FOXM1: variants seen among roughly 807,000 people sequenced by gnomAD.
FOXM1 encodes forkhead box M1.
A neutral mutation model predicts 63.6 loss-of-function variants in FOXM1; 25 were observed. That is an observed-to-expected ratio of 0.39 (90% CI 0.29 to 0.55). FOXM1 has a LOEUF of 0.55. Among genes scored for constraint, FOXM1 ranks in the 20% least tolerant of loss-of-function variants. The probability of loss-of-function intolerance (pLI) is 0.60; values close to 1 mark genes in which losing one functional copy is unlikely to be tolerated. For synonymous variants in FOXM1, 387 were observed against 376.9 expected (o/e 1.03, Z -0.31); for missense variants, 879 against 958.7 (o/e 0.92, Z 1.10).
Position 2,859,302 on chromosome 12 carries a change from C to T in FOXM1, c.1628G>A (p.Arg543Gln), listed in dbSNP as rs148974985. 9.9e-6 allele frequency: 16 copies of T among 1,613,206 alleles called. No individual in the cohort carries two copies. The highest frequency in any genetic ancestry group is 8.0e-5 in the African/African-American group (6 of 74,826). ...CAGTAGATGCTGTTTTCTCCGAGAC[C>T]GGCTCCTCTCCCTCCTCTCCCTGTG... ...IQHRERRERS[R>Q]SRRKQHLLPP... Residue 543 changes from arginine to glutamine, a missense_variant, in exon 9 of 9, where the codon CGG becomes CAG. Around this residue, in one of 4 missense-constraint regions of FOXM1, gnomAD observed 486 missense variants for 453.5 expected, o/e 1.07. Coordinates refer to ENST00000359843, the MANE Select transcript of FOXM1 (RefSeq NM_021953.4).
intron 4 of FOXM1, among the ~76,000 whole-genome samples, chr12:2,867,847 G>A (rs1269349840): frequency 1.3e-5 from 2 of 151,236 alleles, no homozygotes; most frequent in Admixed American, 6.6e-5. Flanking sequence ...GCGTGGTGGC[G>A]CATGCCTGTA....
intron 3 of FOXM1, among the ~76,000 whole-genome samples, chr12:2,870,115 C>T (rs1285961637): frequency 6.6e-6 from 1 of 151,732 alleles, no homozygotes; most frequent in Non-Finnish European, 1.5e-5. Context: ...CTCAGCCTCC[C>T]GAGTAGCTGG....
Position 2,858,527 on chromosome 12 carries a change from G to A in FOXM1, c.*111C>T. 2 of 895,300 alleles carry A rather than the reference G, an allele frequency of 2.2e-6. No homozygotes were observed. The highest frequency in any genetic ancestry group is 3.3e-6 in the Non-Finnish European group (2 of 597,342). The allele number at this position is 895,300 out of a possible 1,614,324, so 55.5% of individuals were successfully genotyped here. ...GCATAATCAGGCAGCAGGGAGCTATGAGGAGCAGAACAGTCCCTGCCTGCT... is the reference window on the plus strand; with the variant it reads ...GCATAATCAGGCAGCAGGGAGCTATAAGGAGCAGAACAGTCCCTGCCTGCT... On this transcript the variant is annotated 3_prime_UTR_variant, in exon 9 of 9. Transcript: ENST00000359843.
intron 3 of FOXM1, among the ~76,000 whole-genome samples, chr12:2,871,456 G>A (rs2098133121): frequency 6.6e-6 from 1 of 152,020 alleles, no homozygotes; most frequent in Admixed American, 6.6e-5. Flanking sequence ...AATCAGCCTG[G>A]GCAACATAGC....
In FOXM1 at chr12:2,864,298, C is replaced by G. The variant is rs1603500281; in HGVS notation, c.1266+22G>C. 12 of 1,593,708 alleles carry G rather than the reference C, an allele frequency of 7.5e-6. No individual in the cohort carries two copies. The East Asian group carries it at 2.7e-4, about 36-fold the overall frequency. On this transcript the variant is annotated intron_variant, in intron 8 of 8. Coordinates refer to ENST00000359843, the MANE Select transcript of FOXM1 (RefSeq NM_021953.4). The surrounding 1 kb of genome is among the most constrained non-coding windows in gnomAD (Gnocchi z 5.1). ...TTCTTAATTGGCCAGAATCTCTCTT[C>G]AGAGGAAAATAGGACACCCACCTTG... is the stretch of plus-strand genomic sequence containing the variant.
chr12:2,861,489 G>A (rs1470369579), intron 8 of FOXM1: 2 of 460,912 alleles, frequency 4.3e-6, no homozygotes, highest in African/African-American at 4.1e-5. Context: ...ATACATATTA[G>A]ATTGGCAGAT....
Position 2,874,588 on chromosome 12 carries a change from G to T in FOXM1, c.-47-63C>A. 1 of 1,146,768 alleles carries T rather than the reference G, an allele frequency of 8.7e-7. No homozygotes were observed. Among genetic ancestry groups the T allele is most frequent in the Non-Finnish European group, 1.2e-6 (1 of 811,138 alleles). 71.0% of individuals were successfully genotyped at this position (1,146,768 alleles called of 1,614,324 possible). ...TTTAGGCTGAGAAGAGGTCCTTTTA[G>T]AGAAAGGTGCTCCTCTTTATATGAC... is the stretch of plus-strand genomic sequence containing the variant. On this transcript the variant is annotated intron_variant, in intron 1 of 8. Coordinates refer to ENST00000359843, the MANE Select transcript of FOXM1 (RefSeq NM_021953.4). The surrounding 1 kb of genome is among the most constrained non-coding windows in gnomAD (Gnocchi z 4.3).
Position 2,859,622 on chromosome 12 carries a change from T to C in FOXM1, c.1308A>G (p.Ala436=). ...GGAGTTTCTCCTCTTTCCCTGGTCC[T>C]GCAGAAGAAAGAGGAGCTATCCCCT... is the stretch of plus-strand genomic sequence containing the variant. ...AEEGIAPLSS[A]GPGKEEKLLF... The change falls in exon 9 of 9, where the codon GCA becomes GCG. Residue 436 remains alanine, a synonymous_variant. Coordinates refer to ENST00000359843, the MANE Select transcript of FOXM1 (RefSeq NM_021953.4). The C allele has an allele frequency of 1.2e-6, 2 of 1,612,326 alleles. No homozygotes were observed. The highest frequency in any genetic ancestry group is 1.7e-6 in the Non-Finnish European group (2 of 1,179,532).
intron 5 of FOXM1, among the ~76,000 whole-genome samples, 158 bp from the exon 6 acceptor site, chr12:2,865,557 C>A (rs958096284): frequency 2.0e-5 from 3 of 151,982 alleles, no homozygotes. Flanking sequence ...TACCAGCAGC[C>A]TTATGGGCAC....
rs866336465 is a variant in FOXM1, at chr12:2,874,330, A to G, written c.149T>C (p.Val50Ala). 1 of 1,614,148 alleles carries G rather than the reference A, an allele frequency of 6.2e-7. No homozygotes were observed. Among genetic ancestry groups the G allele is most frequent in the Non-Finnish European group, 8.5e-7 (1 of 1,180,030 alleles). ...ESNQAEASKE[V>A]AESNSCKFPA... ...AAACTTGCAAGAGTTGGACTCTGCC[A>G]CTTCCTTGGAGGCCTCTGCTTGATT... Residue 50 changes from valine to alanine, a missense_variant, in exon 2 of 9, where the codon GTG becomes GCG. Transcript: ENST00000359843. The surrounding 1 kb of genome is among the most constrained non-coding windows in gnomAD (Gnocchi z 4.3).
In FOXM1 at chr12:2,861,365, A is replaced by G. The variant is rs1295935561; in HGVS notation, c.1267-1702T>C. The G allele has an allele frequency of 8.0e-5, 58 of 728,522 alleles. No individual in the cohort carries two copies. The East Asian group carries it at 1.4e-3, about 18-fold the overall frequency. The allele number at this position is 728,522 out of a possible 1,614,324, so 45.1% of individuals were successfully genotyped here. A position where few individuals can be genotyped will look rare whatever the true frequency, so the allele number is the denominator to read the frequency against. ...GTGTACCAAAATCTCGCAGATCGCC[A>G]CTAAAGAACTTACTCATGTAACCAA... is the stretch of plus-strand genomic sequence containing the variant. On this transcript the variant is annotated intron_variant, in intron 8 of 8. Transcript: ENST00000359843.
At chr12:2,862,824 G>T (rs1410973350) in intron 8 of FOXM1, among the ~76,000 whole-genome samples, 2 of 151,624 alleles carry the variant, frequency 1.3e-5, no homozygotes. Context: ...TTATAGGTGT[G>T]AGCCACTGTG....
In FOXM1 at chr12:2,870,643, C is replaced by G. The variant is rs187347979; in HGVS notation, c.654+1453G>C. On this transcript the variant is annotated intron_variant, in intron 3 of 8. Coordinates refer to ENST00000359843, the MANE Select transcript of FOXM1 (RefSeq NM_021953.4). ...GTGCCACTGCACTCCAGCCTGGCAA[C>G]AAAGAGAGAATCCGTCTCAAAAAGA... Among the ~76,000 whole-genome samples, 716 of 149,816 alleles carry G rather than the reference C, an allele frequency of 4.8e-3. 7 individuals carry two copies. The highest frequency in any genetic ancestry group is 0.017 in the African/African-American group (685 of 40,646).
At chr12:2,862,708 A>ATT (rs71057842) in intron 8 of FOXM1, among the ~76,000 whole-genome samples, 145 of 147,286 alleles carry the variant, frequency 9.8e-4, no homozygotes, top group African/African-American at 3.1e-3. Flanking sequence ...TTAAAAAAAA[A>ATT]TTTTTTTTTT....
rs2098137967 is a variant in FOXM1, at chr12:2,874,152, G to T, written c.327C>A (p.Ile109=). The change falls in exon 2 of 9, where the codon ATC becomes ATA. Residue 109 remains isoleucine (I), a synonymous_variant. Coordinates refer to ENST00000359843, the MANE Select transcript of FOXM1 (RefSeq NM_021953.4). The surrounding 1 kb of genome is among the most constrained non-coding windows in gnomAD (Gnocchi z 4.3). ...GCTGAGTTGGGGCTCCCCCACAGCT[G>T]ATGAGGATGAATTTGTTGGGCCCAC... is the stretch of plus-strand genomic sequence containing the variant. ...GSSGPNKFIL[I]SCGGAPTQPP... is the part of the protein sequence containing the mutation. 4.3e-6 allele frequency: 7 copies of T among 1,614,212 alleles called. No homozygotes were observed. The highest frequency in any genetic ancestry group is 5.9e-6 in the Non-Finnish European group (7 of 1,180,048).
rs1415309788 is a variant in FOXM1, at chr12:2,864,810, G to A, written c.1021-58C>T. On this transcript the variant is annotated intron_variant, in intron 6 of 8. Coordinates refer to ENST00000359843, the MANE Select transcript of FOXM1 (RefSeq NM_021953.4). This position sits in a 1 kb window ranked among gnomAD's most constrained non-coding sequence, Gnocchi z 5.1. ...TATGTTAACACAATAAGGTAAAGAG[G>A]GGATGGCAAAACCCCACCAGCTGCT... 17 of 1,587,346 alleles carry A rather than the reference G, an allele frequency of 1.1e-5. No homozygotes were observed. The highest frequency in any genetic ancestry group is 2.7e-5 in the African/African-American group (2 of 74,398).
Position 2,864,580 on chromosome 12 carries a change from G to A in FOXM1, c.1091-85C>T, listed in dbSNP as rs1409679478. 9 of 1,582,276 alleles carry A rather than the reference G, an allele frequency of 5.7e-6. No homozygotes were observed. In the South Asian group the frequency reaches 8.9e-5, roughly 16 times the overall value. Reference sequence around the variant, plus strand: ...CAGGAGCTTTGCTCTCCTTCTCTGGGCTCAGATCCCTTTGAGGTGGGAACA... The same window carrying A: ...CAGGAGCTTTGCTCTCCTTCTCTGGACTCAGATCCCTTTGAGGTGGGAACA... On this transcript the variant is annotated intron_variant, in intron 7 of 8. Coordinates refer to ENST00000359843, the MANE Select transcript of FOXM1 (RefSeq NM_021953.4). The surrounding 1 kb of genome is among the most constrained non-coding windows in gnomAD (Gnocchi z 5.1).
At chr12:2,861,870 G>A (rs1468158174) in intron 8 of FOXM1, among the ~76,000 whole-genome samples, 1 of 152,190 alleles carries the variant, frequency 6.6e-6, no homozygotes, top group Non-Finnish European at 1.5e-5. Flanking sequence ...GAAATTCCAT[G>A]AGGCATTGTT....
chr12:2,872,179 T>C lies in FOXM1; in HGVS notation c.571A>G (p.Ser191Gly). Residue 191 changes from serine to glycine, a missense_variant, in exon 3 of 9, where the codon AGT (serine) becomes GGT (glycine). Ser to Gly is a moderately conservative substitution (Grantham distance 56). This residue lies in a region of FOXM1 where 255 missense variants were observed against 292.4 expected (regional missense o/e 0.87). Transcript: ENST00000359843. The surrounding 1 kb of genome is among the most constrained non-coding windows in gnomAD (Gnocchi z 4.0). The stretch of plus-strand genomic sequence containing the variant: ...CTGCGGGAGCCCAGTCCATCAGAAC[T>C]CATCTTTCGAAGCCACTGGATGTTG... ...LSNIQWLRKM[S>G]SDGLGSRSIK... 6.2e-7 allele frequency: 1 copy of C among 1,614,194 alleles called. No homozygotes were observed. Among genetic ancestry groups the C allele is most frequent in the Non-Finnish European group, 8.5e-7 (1 of 1,180,022 alleles).
Sources: allele counts gnomAD v4.1 joint callset (sites outside exome capture counted in the v4.1 genomes callset), GRCh38; gene constraint gnomAD v4.1.1; regional missense constraint gnomAD v4.1.1; non-coding constraint Gnocchi (gnomAD v3.1); transcripts MANE v1.5; gene names NCBI Gene and HGNC (gene_info 2026-07-23, HGNC 2026-07-21).